The following AADACL3 variants were observed in gnomAD, a reference collection of about 807,000 sequenced individuals.
AADACL3 encodes the protein arylacetamide deacetylase like 3.
AADACL3 carries 13 observed loss-of-function variants against 13.6 expected under a neutral mutation model. That is an observed-to-expected ratio of 0.95 (90% CI 0.62 to 1.52). AADACL3 has a LOEUF of 1.52. AADACL3 is among the 40% of genes most tolerant of loss of function. The pLI is 0.00. For synonymous variants in AADACL3, 195 were observed against 197.0 expected (o/e 0.99, Z 0.08); for missense variants, 519 against 499.2 (o/e 1.04, Z -0.38).
In AADACL3 at chr1:12,726,030, A is replaced by G. The variant is rs776201280; in HGVS notation, c.*34A>G. 1.3e-6 allele frequency: 2 copies of G among 1,570,764 alleles called. No homozygotes were observed. The highest frequency in any genetic ancestry group is 8.6e-7 in the Non-Finnish European group (1 of 1,158,668). On this transcript the variant is annotated 3_prime_UTR_variant, in exon 4 of 4. Coordinates refer to ENST00000359318, the MANE Select transcript of AADACL3 (RefSeq NM_001103170.3). ...CTTCTCTGCTGGTACTGCGGTGTGG[A>G]TTCCACTGGCATCCAGCCTCCCACA...
Position 12,727,978 on chromosome 1 carries a change from T to A in AADACL3, c.*1982T>A, listed in dbSNP as rs966701979. On this transcript the variant is annotated 3_prime_UTR_variant, in exon 4 of 4. Coordinates refer to ENST00000359318, the MANE Select transcript of AADACL3 (RefSeq NM_001103170.3). ...GCCATGCCCAGTAGAGAGGAATGTATAACATTTTAAGAGGCTGAGAGCACC... is the reference window on the plus strand; with the variant it reads ...GCCATGCCCAGTAGAGAGGAATGTAAAACATTTTAAGAGGCTGAGAGCACC... 2.0e-5 allele frequency: 3 copies of A among 152,238 alleles called. No individual in the cohort carries two copies. Among genetic ancestry groups the A allele is most frequent in the African/African-American group, 7.2e-5 (3 of 41,452 alleles). 9.4% of individuals were successfully genotyped at this position (152,238 alleles called of 1,614,324 possible).
rs1638369461 is a variant in AADACL3 at position 12,726,300 on chromosome 1, A to AGCCTCCCTAAGGGGCAGTTCAGG, written c.*305_*327dup. 1.5e-5 allele frequency: 6 copies of AGCCTCCCTAAGGGGCAGTTCAGG among 388,116 alleles called. No individual in the cohort carries two copies. Among genetic ancestry groups the AGCCTCCCTAAGGGGCAGTTCAGG allele is most frequent in the African/African-American group, 2.0e-5 (1 of 49,296 alleles). The allele number at this position is 388,116 out of a possible 1,614,324, so 24.0% of individuals were successfully genotyped here. ...GAATCAGCCGGTAAGAGCTGTTCTC[A>AGCCTCCCTAAGGGGCAGTTCAGG]GCCTCCCTAAGGGGCAGTTCAGGCT... On this transcript the variant is annotated 3_prime_UTR_variant, in exon 4 of 4. Coordinates refer to ENST00000359318, the MANE Select transcript of AADACL3 (RefSeq NM_001103170.3).
chr1:12,719,419 C>A lies in AADACL3; in HGVS notation c.169-56C>A, dbSNP rs1248655954. 19 of 1,541,914 alleles carry A rather than the reference C, an allele frequency of 1.2e-5. No homozygotes were observed. In the East Asian group the frequency reaches 4.3e-4, roughly 35 times the overall value. On this transcript the variant is annotated intron_variant, in intron 1 of 3. Coordinates refer to ENST00000359318, the MANE Select transcript of AADACL3 (RefSeq NM_001103170.3). ...GAGGGCAGGTTGTGAAGGCCAGACT[C>A]CAGATGGCCTGTGAAGAAACCCATC...
rs912332638 is a variant in AADACL3, at chr1:12,726,230, T to C, written c.*234T>C. 1 of 526,962 alleles carries C rather than the reference T, an allele frequency of 1.9e-6. No homozygotes were observed. Among genetic ancestry groups the C allele is most frequent in the East Asian group, 3.2e-5 (1 of 31,492 alleles). The allele number at this position is 526,962 out of a possible 1,614,324, so 32.6% of individuals were successfully genotyped here. ...GAGTGTGGCTGTCTCTATTCTCTGTTGGGAAAACCTGGGCTGACAATATTC... is the reference window on the plus strand; with the variant it reads ...GAGTGTGGCTGTCTCTATTCTCTGTCGGGAAAACCTGGGCTGACAATATTC... On this transcript the variant is annotated 3_prime_UTR_variant, in exon 4 of 4. Coordinates refer to ENST00000359318, the MANE Select transcript of AADACL3 (RefSeq NM_001103170.3).
In AADACL3 at chr1:12,725,407, T is replaced by G. The variant is rs1379673189; in HGVS notation, c.635T>G (p.Leu212Arg). The change falls in exon 4 of 4, where the codon CTG becomes CGG. Residue 212 changes from leucine to arginine, a missense_variant. Physicochemically the swap from Leu to Arg is moderately radical, Grantham distance 102. Transcript: ENST00000359318. ...VCQQLVDRPD[L>R]PRIRAQILIY... ...CAACAACTTGTGGACAGGCCAGATCTGCCCCGGATCCGGGCTCAGATCCTG... is the reference window on the plus strand; with the variant it reads ...CAACAACTTGTGGACAGGCCAGATCGGCCCCGGATCCGGGCTCAGATCCTG... 6.2e-7 allele frequency: 1 copy of G among 1,613,972 alleles called. No homozygotes were observed. The highest frequency in any genetic ancestry group is 1.3e-5 in the African/African-American group (1 of 74,930).
Position 12,725,274 on chromosome 1 carries a change from G to C in AADACL3, c.502G>C (p.Val168Leu), listed in dbSNP as rs781004606. ...KFPVPVRDCL[V>L]ATIHFLKSLD... ...TCCAGTGCCAGTAAGAGACTGCTTG[G>C]TGGCCACCATCCACTTCCTGAAGTC... Residue 168 changes from valine to leucine, a missense_variant, in exon 4 of 4, where the codon GTG becomes CTG. Physicochemically the swap from Val to Leu is conservative, Grantham distance 32. Coordinates refer to ENST00000359318, the MANE Select transcript of AADACL3 (RefSeq NM_001103170.3). 2 of 1,613,606 alleles carry C rather than the reference G, an allele frequency of 1.2e-6. No individual in the cohort carries two copies. The highest frequency in any genetic ancestry group is 1.7e-6 in the Non-Finnish European group (2 of 1,179,842).
At chr1:12,716,399 G>GA in intron 1 of AADACL3, 55 bp downstream of exon 1, 6 of 1,610,882 alleles carry the variant, frequency 3.7e-6, no homozygotes, top group Non-Finnish European at 5.1e-6. Flanking sequence ...AAGGCGGCAG[G>GA]AAAAATCACA....
chr1:12,716,521 G>T (rs142557255), intron 1 of AADACL3, among the ~76,000 whole-genome samples, 177 bp downstream of exon 1: 168 of 152,196 alleles, frequency 1.1e-3, no homozygotes, highest in African/African-American at 4.0e-3. Context: ...AGCCTCTTTG[G>T]GTGTTTCTGA....
chr1:12,725,161 A>G (rs1262232770), intron 3 of AADACL3, 61 bp from the exon 4 acceptor site: 2 of 1,501,066 alleles, frequency 1.3e-6, no homozygotes, highest in Non-Finnish European at 1.8e-6. Context: ...AAAAGATGCT[A>G]GACGCTGATA....
chr1:12,720,812 G>C, intron 2 of AADACL3, 71 bp from the exon 3 acceptor site: 4 of 1,386,930 alleles, frequency 2.9e-6, no homozygotes, highest in Non-Finnish European at 3.0e-6. Flanking sequence ...TGTGTCTGTA[G>C]GAAGAAGACG....
chr1:12,724,036 G>A (rs1309719456), intron 3 of AADACL3, among the ~76,000 whole-genome samples: 7 of 152,058 alleles, frequency 4.6e-5, no homozygotes, highest in Non-Finnish European at 8.8e-5. Flanking sequence ...CACCTGCCTC[G>A]GCCTCCCAAA....
intron 3 of AADACL3, 131 bp downstream of exon 3, chr1:12,721,077 TG>T: frequency 2.2e-6 from 1 of 451,526 alleles, no homozygotes. Context: ...AGCCCAGAGG[TG>T]GGGATGGGCT....
At chr1:12,719,915 T>C (rs760380507) in intron 2 of AADACL3, among the ~76,000 whole-genome samples, 1 of 152,184 alleles carries the variant, frequency 6.6e-6, no homozygotes, top group African/African-American at 2.4e-5. Flanking sequence ...TTAACAATAC[T>C]GTAATATAAG....
chr1:12,721,011 G>T, intron 3 of AADACL3, 65 bp downstream of exon 3: 1 of 538,800 alleles, frequency 1.9e-6, no homozygotes, highest in Non-Finnish European at 3.1e-6. Context: ...GAGATGGGGT[G>T]AGAAGTAGAA....
At position 12,725,187 on chromosome 1, in the gene AADACL3, G is replaced by A; in HGVS notation, c.450-35G>A. ...GACGCTGATATTTTGGATCTGCCGG[G>A]GCGTTATCAACTGTGTTTCTTGATT... On this transcript the variant is annotated intron_variant, in intron 3 of 3. Coordinates refer to ENST00000359318, the MANE Select transcript of AADACL3 (RefSeq NM_001103170.3). 5 of 1,552,074 alleles carry A rather than the reference G, an allele frequency of 3.2e-6. No individual in the cohort carries two copies. In the South Asian group the frequency reaches 5.0e-5, roughly 16 times the overall value.
intron 1 of AADACL3, among the ~76,000 whole-genome samples, chr1:12,717,207 A>C (rs1648456344): frequency 6.6e-6 from 1 of 152,174 alleles, no homozygotes; most frequent in African/African-American, 2.4e-5. Context: ...TGCTATTCAA[A>C]AGAATGTAGC....
intron 3 of AADACL3, among the ~76,000 whole-genome samples, chr1:12,723,917 T>C (rs1460526663): frequency 6.6e-6 from 1 of 150,854 alleles, no homozygotes; most frequent in Non-Finnish European, 1.5e-5. Context: ...CCTGAGTAGC[T>C]GGGATTACAG....
Position 12,727,882 on chromosome 1 carries a change from A to T in AADACL3, c.*1886A>T, listed in dbSNP as rs1160484022. 6.6e-6 allele frequency: 1 copy of T among 152,162 alleles called. No homozygotes were observed. Among genetic ancestry groups the T allele is most frequent in the Non-Finnish European group, 1.5e-5 (1 of 68,070 alleles). The allele number at this position is 152,162 out of a possible 1,614,324, so 9.4% of individuals were successfully genotyped here. On this transcript the variant is annotated 3_prime_UTR_variant, in exon 4 of 4. Transcript: ENST00000359318. The stretch of plus-strand genomic sequence containing the variant: ...TTTTTTGTTTCACCCCTGCCTCTGG[A>T]GATGGGTAGAGGAACATGAGCTGAC...
intron 1 of AADACL3, among the ~76,000 whole-genome samples, chr1:12,717,478 A>G (rs1163201519): frequency 1.3e-5 from 2 of 152,210 alleles, no homozygotes; most frequent in African/African-American, 4.8e-5. Flanking sequence ...AGCCCTCCTT[A>G]AATAGTAGCC....
Sources: allele counts gnomAD v4.1 joint callset (sites outside exome capture counted in the v4.1 genomes callset), GRCh38; gene constraint gnomAD v4.1.1; transcripts MANE v1.5; gene names NCBI Gene and HGNC (gene_info 2026-07-23, HGNC 2026-07-21).